Variants in OR10G7 observed in about 807,000 individuals in gnomAD.
OR10G7 encodes olfactory receptor 10G7.
For missense variants in OR10G7, 338 were observed against 382.1 expected (o/e 0.88, Z 0.96); for synonymous variants, 165 against 167.4 (o/e 0.99, Z 0.11).
At position 124,038,160 on chromosome 11, in the gene OR10G7, AG is replaced by A. The variant is rs1290461439; in HGVS notation, c.841del (p.Leu281PhefsTer9). 6.2e-7 allele frequency: 1 copy of A among 1,613,994 alleles called. No homozygotes were observed. The highest frequency in any genetic ancestry group is 1.3e-5 in the African/African-American group (1 of 74,842). ...VAVFYTTLTP[L>X]FNPVVYTLRN... Reference sequence around the variant, plus strand: ...CAGGGTGTACACAACAGGGTTGAAAAGAGGAGTCAGCGTGGTGTAGAAAACG... The same window carrying A: ...CAGGGTGTACACAACAGGGTTGAAAAAGGAGTCAGCGTGGTGTAGAAAACG... On this transcript the variant is annotated frameshift_variant, in exon 2 of 2. Coordinates refer to ENST00000641585, the MANE Select transcript of OR10G7 (RefSeq NM_001004463.2). LOFTEE classifies it low-confidence loss of function (END_TRUNC).
intron 1 of OR10G7, among the ~76,000 whole-genome samples, chr11:124,040,305 G>A (rs1864232191): frequency 6.6e-6 from 1 of 151,788 alleles, no homozygotes; most frequent in African/African-American, 2.4e-5. Context: ...AAATACAAAT[G>A]CCCTTCTAAA....
chr11:124,039,046 A>G, intron 1 of OR10G7, 25 bp from the exon 2 acceptor site: 1 of 1,580,472 alleles, frequency 6.3e-7, no homozygotes, highest in Non-Finnish European at 8.6e-7. Context: ...AGGAAGGGAG[A>G]TAGCATTTAC....
At position 124,038,520 on chromosome 11, in the gene OR10G7, A is replaced by G; in HGVS notation, c.482T>C (p.Leu161Ser). 3.7e-6 allele frequency: 6 copies of G among 1,613,830 alleles called. No homozygotes were observed. Among genetic ancestry groups the G allele is most frequent in the Non-Finnish European group, 5.1e-6 (6 of 1,179,868 alleles). The change falls in exon 2 of 2, where the codon TTG (leucine) becomes TCG (serine). Residue 161 changes from leucine to serine, a missense_variant. Physicochemically the swap from Leu to Ser is moderately radical, Grantham distance 145. Transcript: ENST00000641585. ...TCCACAGTAGGGCAAATGGAAAGTC[A>G]ATATGGTCTGGACAGCAGAGTGCAG... is the stretch of plus-strand genomic sequence containing the variant. ...GSLHSAVQTI[L>S]TFHLPYCGPN...
In OR10G7 at chr11:124,038,848, G is replaced by A. The variant is rs1448431965; in HGVS notation, c.154C>T (p.His52Tyr). The part of the protein sequence containing the change: ...LILLVIRVDS[H>Y]LHTPMYYFLT... ...AAGTAGTACATGGGGGTGTGGAGGTGAGAATCCACCCTGATCACCAGCAGG... is the reference window on the plus strand; with the variant it reads ...AAGTAGTACATGGGGGTGTGGAGGTAAGAATCCACCCTGATCACCAGCAGG... The change falls in exon 2 of 2, where the codon CAC (histidine) becomes TAC (tyrosine). Residue 52 changes from histidine to tyrosine, a missense_variant. Coordinates refer to ENST00000641585, the MANE Select transcript of OR10G7 (RefSeq NM_001004463.2). 5.6e-6 allele frequency: 9 copies of A among 1,613,740 alleles called. No homozygotes were observed. The highest frequency in any genetic ancestry group is 1.3e-5 in the African/African-American group (1 of 74,770).
chr11:124,038,552 A>G lies in OR10G7; in HGVS notation c.450T>C (p.Ser150=), dbSNP rs1289641033. ...CALLATGTWL[S]GSLHSAVQTI... ...TCTGGACAGCAGAGTGCAGAGAGCC[A>G]CTGAGCCAAGTGCCGGTGGCCAGGA... The change falls in exon 2 of 2, where the codon AGT becomes AGC. Residue 150 remains serine (S), a synonymous_variant. Coordinates refer to ENST00000641585, the MANE Select transcript of OR10G7 (RefSeq NM_001004463.2). 1.2e-6 allele frequency: 2 copies of G among 1,613,892 alleles called. No homozygotes were observed. Among genetic ancestry groups the G allele is most frequent in the East Asian group, 4.5e-5 (2 of 44,880 alleles).
Position 124,039,470 on chromosome 11 carries a change from G to T in OR10G7, c.-20-449C>A, listed in dbSNP as rs75616643. Among the ~76,000 whole-genome samples, 497 of 151,998 alleles carry T rather than the reference G, an allele frequency of 3.3e-3. 8 individuals are homozygous for T. The highest frequency in any genetic ancestry group is 0.011 in the African/African-American group (454 of 41,398). The stretch of plus-strand genomic sequence containing the variant: ...CACACACACACTTTCACACATACAG[G>T]TTCAGTCTCTTTGATCATTAGAGAA... On this transcript the variant is annotated intron_variant, in intron 1 of 1. Coordinates refer to ENST00000641585, the MANE Select transcript of OR10G7 (RefSeq NM_001004463.2).
rs760167866 is a variant in OR10G7, at chr11:124,038,346, G to A, written c.656C>T (p.Ser219Phe). 27 of 1,614,026 alleles carry A rather than the reference G, an allele frequency of 1.7e-5. 1 individual carries two copies. The African/African-American group carries it at 3.2e-4, about 19-fold the overall frequency. Residue 219 changes from serine (S) to phenylalanine (F), a missense_variant, in exon 2 of 2, where the codon TCC becomes TTC. Coordinates refer to ENST00000641585, the MANE Select transcript of OR10G7 (RefSeq NM_001004463.2). ...CFVLIVLSYV[S>F]IVCSILRIRT... is the part of the protein sequence containing the mutation. ...GATCCGCAGGATGGAACAGACGATG[G>A]ACACATAGGACAGCACTATCAGGAC...
In OR10G7 at chr11:124,038,309, C is replaced by A. The variant is rs180880238; in HGVS notation, c.693G>T (p.Glu231Asp). The A allele has an allele frequency of 1.5e-4, 236 of 1,614,090 alleles. No homozygotes were observed. The East Asian group carries it at 3.6e-3, about 25-fold the overall frequency. ...VCSILRIRTS[E>D]GRHRAFQTCA... The stretch of plus-strand genomic sequence containing the variant: ...AGGTCTGAAAGGCTCTGTGCCTCCC[C>A]TCTGAGGTGCGGATCCGCAGGATGG... The change falls in exon 2 of 2, where the codon GAG becomes GAT. Residue 231 changes from glutamate (E) to aspartate (D), a missense_variant. Glu to Asp is a conservative substitution (Grantham distance 45, BLOSUM62 2). Transcript: ENST00000641585.
rs749701938 is a variant in OR10G7, at chr11:124,038,929, G to A, written c.73C>T (p.Leu25Phe). The change falls in exon 2 of 2, where the codon CTC (leucine) becomes TTC (phenylalanine). Residue 25 changes from leucine (L) to phenylalanine (F), a missense_variant. Transcript: ENST00000641585. ...LPHAPGLDAPLFGIFLVVYVL... is the reference protein window; with the variant it reads ...LPHAPGLDAPFFGIFLVVYVL... ...TAAACCACCAGGAAGATTCCAAAGA[G>A]GGGGGCGTCCAGCCCTGGGGCATGG... is the stretch of plus-strand genomic sequence containing the variant. 9 of 1,610,962 alleles carry A rather than the reference G, an allele frequency of 5.6e-6. No individual in the cohort carries two copies. The highest frequency in any genetic ancestry group is 7.6e-6 in the Non-Finnish European group (9 of 1,178,208).
In OR10G7 at chr11:124,037,845, T is replaced by C. The variant is rs975377456; in HGVS notation, c.*221A>G. 1.4e-5 allele frequency: 5 copies of C among 346,268 alleles called. No homozygotes were observed. The highest frequency in any genetic ancestry group is 1.1e-4 in the African/African-American group (5 of 47,274). 21.4% of individuals were successfully genotyped at this position (346,268 alleles called of 1,614,324 possible). A position where few individuals can be genotyped will look rare whatever the true frequency, so the allele number is the denominator to read the frequency against. On this transcript the variant is annotated 3_prime_UTR_variant, in exon 2 of 2. Transcript: ENST00000641585. ...ATTACTTAATGGAACGTGAAAAGAA[T>C]AGACTATTATCCTTTCTCTTAGATT...
rs1379178135 is a variant in OR10G7, at chr11:124,037,166, C to T, written c.*900G>A. On this transcript the variant is annotated 3_prime_UTR_variant, in exon 2 of 2. Transcript: ENST00000641585. ...GAGTGTACAGAGTCCATTTCATATA[C>T]TTTAAGTCAAACAAACGAATGTGAC... The T allele has an allele frequency of 6.6e-6, 1 of 152,124 alleles. No individual in the cohort carries two copies. The highest frequency in any genetic ancestry group is 1.5e-5 in the Non-Finnish European group (1 of 68,018). 9.4% of individuals were successfully genotyped at this position (152,124 alleles called of 1,614,324 possible). A position where few individuals can be genotyped will look rare whatever the true frequency, so the allele number is the denominator to read the frequency against.
Position 124,036,604 on chromosome 11 carries a change from G to A in OR10G7, c.*1462C>T, listed in dbSNP as rs1864194298. 1 of 152,208 alleles carries A rather than the reference G, an allele frequency of 6.6e-6. No homozygotes were observed. The highest frequency in any genetic ancestry group is 2.1e-4 in the South Asian group (1 of 4,830). The allele number at this position is 152,208 out of a possible 1,614,324, so 9.4% of individuals were successfully genotyped here. A position where few individuals can be genotyped will look rare whatever the true frequency, so the allele number is the denominator to read the frequency against. On this transcript the variant is annotated 3_prime_UTR_variant, in exon 2 of 2. Coordinates refer to ENST00000641585, the MANE Select transcript of OR10G7 (RefSeq NM_001004463.2). ...AGCGTGATGTTACAGAGAAGTGTAAGAATCCAAGTGAATCCAATGACTAAG... is the reference window on the plus strand; with the variant it reads ...AGCGTGATGTTACAGAGAAGTGTAAAAATCCAAGTGAATCCAATGACTAAG...
chr11:124,039,066 G>T, intron 1 of OR10G7, 45 bp from the exon 2 acceptor site: 1 of 1,513,862 alleles, frequency 6.6e-7, no homozygotes, highest in Non-Finnish European at 8.9e-7. Flanking sequence ...CTGTGAGCAT[G>T]TTTTATATGA....
At position 124,040,913 on chromosome 11, in the gene OR10G7, G is replaced by A. The variant is rs1864236145; in HGVS notation, c.-48C>T. 6.6e-6 allele frequency: 1 copy of A among 152,124 alleles called. No homozygotes were observed. Among genetic ancestry groups the A allele is most frequent in the South Asian group, 2.1e-4 (1 of 4,828 alleles). 9.4% of individuals were successfully genotyped at this position (152,124 alleles called of 1,614,324 possible). ...ATTTTACAACTAGGTTTTGGATCATGAAGCAAAATTCAATATTGAAAGAAA... is the reference window on the plus strand; with the variant it reads ...ATTTTACAACTAGGTTTTGGATCATAAAGCAAAATTCAATATTGAAAGAAA... On this transcript the variant is annotated 5_prime_UTR_variant, in exon 1 of 2. Transcript: ENST00000641585.
intron 1 of OR10G7, 131 bp from the exon 2 acceptor site, chr11:124,039,152 T>C (rs1864224096): frequency 3.1e-6 from 3 of 965,254 alleles, no homozygotes; most frequent in Middle Eastern, 3.3e-4. Flanking sequence ...TTCCTTTTGC[T>C]TCAGTATAGG....
rs1334513459 is a variant in OR10G7, at chr11:124,041,272, T to G, written c.-407A>C. On this transcript the variant is annotated 5_prime_UTR_variant, in exon 1 of 2. Coordinates refer to ENST00000641585, the MANE Select transcript of OR10G7 (RefSeq NM_001004463.2). Reference sequence around the variant, plus strand: ...GGAATGATTTTTTTCCTATTTCTTTTTTAAATTTAATAATAGTAAATATGG... The same window carrying G: ...GGAATGATTTTTTTCCTATTTCTTTGTTAAATTTAATAATAGTAAATATGG... The G allele has an allele frequency of 6.6e-6, 1 of 152,158 alleles. No individual in the cohort carries two copies. Among genetic ancestry groups the G allele is most frequent in the Non-Finnish European group, 1.5e-5 (1 of 68,042 alleles). 9.4% of individuals were successfully genotyped at this position (152,158 alleles called of 1,614,324 possible).
rs752813402 is a variant in OR10G7, at chr11:124,038,960, G to T, written c.42C>A (p.Gly14=). Residue 14 remains glycine, a synonymous_variant, in exon 2 of 2, where the codon GGC becomes GGA. Coordinates refer to ENST00000641585, the MANE Select transcript of OR10G7 (RefSeq NM_001004463.2). ...ATLLTAFILT[G]LPHAPGLDAP... Reference sequence around the variant, plus strand: ...CGTCCAGCCCTGGGGCATGGGGAAGGCCCGTGAGGATGAACGCTGTCAGTA... The same window carrying T: ...CGTCCAGCCCTGGGGCATGGGGAAGTCCCGTGAGGATGAACGCTGTCAGTA... 5.0e-6 allele frequency: 8 copies of T among 1,613,362 alleles called. No homozygotes were observed. The South Asian group carries it at 6.6e-5, about 13-fold the overall frequency.
In OR10G7 at chr11:124,037,910, A is replaced by G; in HGVS notation, c.*156T>C. The G allele has an allele frequency of 1.9e-6, 1 of 538,614 alleles. No homozygotes were observed. The highest frequency in any genetic ancestry group is 3.1e-6 in the Non-Finnish European group (1 of 318,516). 33.4% of individuals were successfully genotyped at this position (538,614 alleles called of 1,614,324 possible). The stretch of plus-strand genomic sequence containing the variant: ...GCTGCTTTAACTAGGATTCTAACAA[A>G]CACTCTGCAGAAAAAAATGAAAAAT... On this transcript the variant is annotated 3_prime_UTR_variant, in exon 2 of 2. Coordinates refer to ENST00000641585, the MANE Select transcript of OR10G7 (RefSeq NM_001004463.2).
chr11:124,041,015 G>T lies in OR10G7; in HGVS notation c.-150C>A, dbSNP rs1221352157. The T allele has an allele frequency of 6.6e-6, 1 of 151,996 alleles. No homozygotes were observed. Among genetic ancestry groups the T allele is most frequent in the Non-Finnish European group, 1.5e-5 (1 of 68,004 alleles). 9.4% of individuals were successfully genotyped at this position (151,996 alleles called of 1,614,324 possible). On this transcript the variant is annotated 5_prime_UTR_variant, in exon 1 of 2. Transcript: ENST00000641585. ...CCACAGAAGAAACTCTTTTTAAATAGAACTTAATATGAATTTGATGTCTTA... is the reference window on the plus strand; with the variant it reads ...CCACAGAAGAAACTCTTTTTAAATATAACTTAATATGAATTTGATGTCTTA...
Sources: allele counts gnomAD v4.1 joint callset (sites outside exome capture counted in the v4.1 genomes callset), GRCh38; gene constraint gnomAD v4.1.1; transcripts MANE v1.5; gene names NCBI Gene and HGNC (gene_info 2026-07-23, HGNC 2026-07-21).